CATSPERT: variants seen among roughly 807,000 people sequenced by gnomAD.
CATSPERT encodes the protein cation channel sperm-associated targeting subunit tau.
chr2:201,531,469 G>C, the CATSPERT span, among the ~76,000 whole-genome samples: 1 of 151,976 alleles, frequency 6.6e-6, no homozygotes. Context: ...AGTCAAATGG[G>C]AGTAACAGAC....
At chr2:201,498,211 A>G in the CATSPERT span, among the ~76,000 whole-genome samples, 1 of 152,186 alleles carries the variant, frequency 6.6e-6, no homozygotes. Context: ...CTGGAGAAAG[A>G]GAGAAGCCAG....
At chr2:201,571,926 A>G in the CATSPERT span, 3 of 1,608,762 alleles carry the variant, frequency 1.9e-6, no homozygotes, top group Non-Finnish European at 2.6e-6. Flanking sequence ...TATTAACGAG[A>G]CTTAAAACAC....
the CATSPERT span, among the ~76,000 whole-genome samples, chr2:201,567,172 G>C: frequency 6.6e-6 from 1 of 152,078 alleles, no homozygotes; most frequent in Admixed American, 6.5e-5. Context: ...GTGTTCCCTG[G>C]TTCAGGAAAT....
the CATSPERT span, among the ~76,000 whole-genome samples, chr2:201,512,338 C>T: frequency 6.6e-6 from 1 of 152,170 alleles, no homozygotes; most frequent in Non-Finnish European, 1.5e-5. Flanking sequence ...TCTTTCAAAA[C>T]TGTAGTACAA....
the CATSPERT span, among the ~76,000 whole-genome samples, chr2:201,551,536 T>C: frequency 1.3e-5 from 2 of 152,342 alleles, no homozygotes; most frequent in East Asian, 1.9e-4. Context: ...ATAAATTAAC[T>C]GTAGTTCATA....
the CATSPERT span, among the ~76,000 whole-genome samples, chr2:201,533,049 A>T: frequency 3.9e-5 from 6 of 152,180 alleles, no homozygotes; most frequent in African/African-American, 1.4e-4. Context: ...TTTCTTAAGG[A>T]CATTTTGCCA....
the CATSPERT span, among the ~76,000 whole-genome samples, chr2:201,612,400 C>G: frequency 6.6e-6 from 1 of 151,850 alleles, no homozygotes; most frequent in African/African-American, 2.4e-5. Context: ...ATGGCAAAAC[C>G]CCATCTCTAC....
At chr2:201,543,568 C>G in the CATSPERT span, among the ~76,000 whole-genome samples, 1 of 152,056 alleles carries the variant, frequency 6.6e-6, no homozygotes, top group African/African-American at 2.4e-5. Flanking sequence ...CTTTGACCTC[C>G]TTTGAAAAGT....
the CATSPERT span, among the ~76,000 whole-genome samples, chr2:201,612,301 A>G: frequency 6.6e-6 from 1 of 152,130 alleles, no homozygotes; most frequent in Non-Finnish European, 1.5e-5. Context: ...GGGGCCGGGC[A>G]CGGTGGCTCA....
At chr2:201,574,857 CT>C in the CATSPERT span, among the ~76,000 whole-genome samples, 1 of 151,986 alleles carries the variant, frequency 6.6e-6, no homozygotes, top group East Asian at 1.9e-4. Context: ...ATTTTAAGCA[CT>C]TAAAAAGAAA....
the CATSPERT span, chr2:201,550,934 A>C: frequency 3.3e-5 from 5 of 152,144 alleles, no homozygotes; most frequent in Admixed American, 6.5e-5. Flanking sequence ...TCCCTCTACT[A>C]GTAATTATTG....
chr2:201,523,640 C>G, the CATSPERT span, among the ~76,000 whole-genome samples: 1 of 76,420 alleles, frequency 1.3e-5, no homozygotes, highest in African/African-American at 3.4e-5. Flanking sequence ...GGTTCTTAAC[C>G]AGACTGAAAT....
the CATSPERT span, chr2:201,492,567 T>C: frequency 3.3e-6 from 5 of 1,534,182 alleles, no homozygotes; most frequent in Non-Finnish European, 3.5e-6. Flanking sequence ...TGTTTGGGTA[T>C]ATAGTCTCAG....
chr2:201,588,288 G>C, the CATSPERT span, among the ~76,000 whole-genome samples: 112 of 151,978 alleles, frequency 7.4e-4, 1 homozygote, highest in South Asian at 0.013. Flanking sequence ...CAAAAAGCTT[G>C]CCCACCACTG....
the CATSPERT span, among the ~76,000 whole-genome samples, chr2:201,595,188 CT>C: frequency 1.6e-5 from 2 of 122,146 alleles, no homozygotes; most frequent in African/African-American, 5.8e-5. Flanking sequence ...GTTAGTTTTC[CT>C]TCTTTTTTTT....
At chr2:201,594,771 C>T in the CATSPERT span, among the ~76,000 whole-genome samples, 18 of 152,106 alleles carry the variant, frequency 1.2e-4, no homozygotes, top group Non-Finnish European at 2.1e-4. Flanking sequence ...TTGATCGCAT[C>T]GGCTCCTGAG....
chr2:201,571,519 A>T, the CATSPERT span, among the ~76,000 whole-genome samples: 3 of 152,292 alleles, frequency 2.0e-5, no homozygotes, highest in East Asian at 1.9e-4. Context: ...TTTTGTAGCA[A>T]TTGGAGTGGT....
chr2:201,573,033 C>A, the CATSPERT span, among the ~76,000 whole-genome samples: 2 of 152,246 alleles, frequency 1.3e-5, no homozygotes, highest in South Asian at 4.1e-4. Context: ...ATAACAGCAG[C>A]ACTAAGAGGA....
chr2:201,528,934 C>T, the CATSPERT span, among the ~76,000 whole-genome samples: 2 of 151,930 alleles, frequency 1.3e-5, no homozygotes, highest in South Asian at 2.1e-4. Flanking sequence ...AACAAAACAA[C>T]AAAAATTAGT....
Sources: gnomAD v4.1 joint callset for allele counts (sites outside exome capture counted in the v4.1 genomes callset) on GRCh38, gnomAD v4.1.1 for gene constraint, MANE v1.5 for transcripts, NCBI Gene and HGNC (gene_info 2026-07-23, HGNC 2026-07-21) for gene names.